TRMT9B: variants seen among roughly 807,000 people sequenced by gnomAD.
TRMT9B encodes the protein tRNA methyltransferase 9B (putative), also known as probable tRNA methyltransferase 9B.
TRMT9B carries 16 observed loss-of-function variants against 11.5 expected under a neutral mutation model. The ratio of observed to expected loss-of-function variants is 1.39; its 90% confidence interval spans 0.94 to 2.11. The LOEUF (loss-of-function observed/expected upper bound fraction) is 2.11, where lower values mean the gene tolerates loss of function less well. Ranked by LOEUF, TRMT9B falls within the 30% of genes most tolerant of loss-of-function variation. The pLI, the probability that TRMT9B is intolerant of heterozygous loss-of-function variation, is 0.00. For missense variants in TRMT9B, 941 were observed against 553.8 expected (o/e 1.70, Z -7.02); for synonymous variants, 274 against 192.4 (o/e 1.42, Z -3.51).
intron 1 of TRMT9B, among the ~76,000 whole-genome samples, chr8:12,978,909 A>T (rs1162596392): frequency 6.6e-6 from 1 of 152,206 alleles, no homozygotes; most frequent in African/African-American, 2.4e-5. Context: ...CACCTGCAGA[A>T]TCTGTATGCG....
At chr8:12,994,190 G>A (rs1196122121) in intron 2 of TRMT9B, among the ~76,000 whole-genome samples, 2 of 152,170 alleles carry the variant, frequency 1.3e-5, no homozygotes, top group Non-Finnish European at 2.9e-5. Context: ...TCTCTAAAAC[G>A]TCTGCGACTG....
At chr8:12,972,010 T>A (rs74813259) in intron 1 of TRMT9B, among the ~76,000 whole-genome samples, 2 of 152,140 alleles carry the variant, frequency 1.3e-5, no homozygotes, top group Non-Finnish European at 2.9e-5. Flanking sequence ...CTCTTTATTG[T>A]TTTCATGTTT....
chr8:13,003,775 C>T (rs1563404024), intron 2 of TRMT9B, among the ~76,000 whole-genome samples: 2 of 150,920 alleles, frequency 1.3e-5, no homozygotes, highest in Non-Finnish European at 2.9e-5. Flanking sequence ...TGTGTCCCCA[C>T]TCCGCCACCC....
chr8:12,974,135 C>G (rs1335367859), intron 1 of TRMT9B, among the ~76,000 whole-genome samples: 1 of 152,062 alleles, frequency 6.6e-6, no homozygotes, highest in African/African-American at 2.4e-5. Context: ...CGCACCGATG[C>G]TCTCCAGCCT....
intron 4 of TRMT9B, among the ~76,000 whole-genome samples, chr8:13,020,761 T>C (rs1458010369): frequency 2.0e-5 from 3 of 152,236 alleles, no homozygotes; most frequent in Non-Finnish European, 2.9e-5. Flanking sequence ...ACTTAAAATC[T>C]GTAGAACTTA....
intron 4 of TRMT9B, among the ~76,000 whole-genome samples, chr8:13,019,286 G>T (rs1318855301): frequency 6.6e-6 from 1 of 152,140 alleles, no homozygotes; most frequent in Non-Finnish European, 1.5e-5. Context: ...TTATATGAGT[G>T]TGTATATATA....
At chr8:12,980,395 A>G (rs1585184875) in intron 1 of TRMT9B, among the ~76,000 whole-genome samples, 1 of 138,484 alleles carries the variant, frequency 7.2e-6, no homozygotes. Context: ...AATTACATCT[A>G]TAAACCCTTT....
At chr8:12,973,933 G>A (rs1234789994) in intron 1 of TRMT9B, among the ~76,000 whole-genome samples, 1 of 152,190 alleles carries the variant, frequency 6.6e-6, no homozygotes, top group Non-Finnish European at 1.5e-5. Context: ...GCTGAGATGG[G>A]AGGATCGCTT....
chr8:13,019,450 C>G (rs1412178351), intron 4 of TRMT9B, among the ~76,000 whole-genome samples: 2 of 152,096 alleles, frequency 1.3e-5, no homozygotes, highest in East Asian at 3.9e-4. Context: ...CACCAATGCA[C>G]CCAGTTAATT....
intron 2 of TRMT9B, among the ~76,000 whole-genome samples, chr8:12,995,069 T>A (rs1808094706): frequency 6.6e-6 from 1 of 152,236 alleles, no homozygotes; most frequent in Non-Finnish European, 1.5e-5. Flanking sequence ...TTTGAAGATG[T>A]GTCAGTTTAC....
At chr8:12,956,306 T>C (rs1204405427) in intron 1 of TRMT9B, among the ~76,000 whole-genome samples, 2 of 152,182 alleles carry the variant, frequency 1.3e-5, no homozygotes, top group African/African-American at 2.4e-5. Context: ...TTGGTAGAGA[T>C]TGACTTTGGA....
chr8:12,956,584 T>G (rs538274653), intron 1 of TRMT9B, among the ~76,000 whole-genome samples: 121 of 152,364 alleles, frequency 7.9e-4, no homozygotes, highest in Non-Finnish European at 1.4e-3. Flanking sequence ...AAGCCGCAGA[T>G]AGTCTACCCA....
intron 1 of TRMT9B, among the ~76,000 whole-genome samples, chr8:12,979,262 G>A (rs542235403): frequency 7.2e-5 from 11 of 152,130 alleles, no homozygotes; most frequent in African/African-American, 2.4e-4. Context: ...CCTGACTTTC[G>A]CATAAAGTAT....
chr8:12,992,960 T>C (rs1436285435), intron 2 of TRMT9B, among the ~76,000 whole-genome samples: 4 of 152,244 alleles, frequency 2.6e-5, no homozygotes, highest in African/African-American at 4.8e-5. Flanking sequence ...GAAACTGTGC[T>C]AGACTTTGCA....
intron 1 of TRMT9B, among the ~76,000 whole-genome samples, chr8:12,977,685 G>C (rs1804678161): frequency 6.6e-6 from 1 of 151,952 alleles, no homozygotes; most frequent in Admixed American, 6.6e-5. Flanking sequence ...TTGTGACAGA[G>C]CAAGACTCTG....
At chr8:12,992,636 G>T (rs576456160) in intron 2 of TRMT9B, among the ~76,000 whole-genome samples, 1 of 152,040 alleles carries the variant, frequency 6.6e-6, no homozygotes, top group Non-Finnish European at 1.5e-5. Context: ...CAGATCACCT[G>T]AGCTCAGGAG....
intron 1 of TRMT9B, among the ~76,000 whole-genome samples, chr8:12,964,199 T>C (rs1417926532): frequency 6.6e-6 from 1 of 152,232 alleles, no homozygotes; most frequent in Non-Finnish European, 1.5e-5. Context: ...TTTTCAAAAA[T>C]ATTGTATTGC....
chr8:12,967,459 T>A (rs969671348), intron 1 of TRMT9B, among the ~76,000 whole-genome samples: 2 of 152,126 alleles, frequency 1.3e-5, no homozygotes, highest in Admixed American at 1.3e-4. Flanking sequence ...ACAACGATGA[T>A]TTGTTTACCC....
At chr8:12,952,219 A>G (rs769932513) in intron 1 of TRMT9B, 17 of 449,710 alleles carry the variant, frequency 3.8e-5, no homozygotes, top group South Asian at 2.7e-4. Context: ...GAGCACTGAC[A>G]ATGGTCTGCA....
Sources: allele counts gnomAD v4.1 joint callset (sites outside exome capture counted in the v4.1 genomes callset), GRCh38; gene constraint gnomAD v4.1.1; transcripts MANE v1.5; gene names NCBI Gene and HGNC (gene_info 2026-07-23, HGNC 2026-07-21).